PTPRM: variants seen among roughly 807,000 people sequenced by gnomAD.
The protein encoded by PTPRM is receptor-type tyrosine-protein phosphatase mu.
PTPRM carries 47 observed loss-of-function variants against 186.7 expected under a neutral mutation model. The ratio of observed to expected loss-of-function variants is 0.25; its 90% CI spans 0.20 to 0.32. PTPRM has a LOEUF of 0.32. Ranked by LOEUF, PTPRM falls within the 10% of genes least tolerant of loss-of-function variation. The pLI, the probability that PTPRM is intolerant of heterozygous loss-of-function variation, is 1.00. For synonymous variants in PTPRM, 668 were observed against 674.9 expected (o/e 0.99, Z 0.16); for missense variants, 1,494 against 1,865.0 (o/e 0.80, Z 3.66).
At chr18:7,838,963 AG>A (rs2046194307) in intron 2 of PTPRM, among the ~76,000 whole-genome samples, 1 of 152,202 alleles carries the variant, frequency 6.6e-6, no homozygotes, top group South Asian at 2.1e-4. Context: ...ATGGGCCCAC[AG>A]GGAGTACTGC....
intron 1 of PTPRM, among the ~76,000 whole-genome samples, chr18:7,633,887 G>A (rs866562606): frequency 1.6e-4 from 24 of 151,966 alleles, no homozygotes; most frequent in African/African-American, 5.8e-4. Context: ...CTTTGCTGGC[G>A]TGATTCTTCC....
intron 2 of PTPRM, among the ~76,000 whole-genome samples, chr18:7,847,215 G>A (rs2046640052): frequency 6.7e-6 from 1 of 148,450 alleles, no homozygotes; most frequent in Non-Finnish European, 1.5e-5. Flanking sequence ...CACCCAGCCT[G>A]GAGTGCTGTG....
At chr18:8,390,803 C>T (rs902084436) in intron 31 of PTPRM, among the ~76,000 whole-genome samples, 5 of 152,054 alleles carry the variant, frequency 3.3e-5, no homozygotes, top group African/African-American at 7.2e-5. Flanking sequence ...TGGCAGGTGC[C>T]TGTAGTCCCA....
In PTPRM at chr18:7,845,168, G is replaced by A. The variant is rs865785904; in HGVS notation, c.197-42938G>A. Among the ~76,000 whole-genome samples the A allele has an allele frequency of 9.2e-5, 14 of 152,238 alleles. No homozygotes were observed. The Middle Eastern group carries it at 0.014, about 148-fold the overall frequency. ...AGTGTACCCTCAGCTTTTAAGAGTTGTTTTCTGGGAGGAATTCATGATCTA... is the reference window on the plus strand; with the variant it reads ...AGTGTACCCTCAGCTTTTAAGAGTTATTTTCTGGGAGGAATTCATGATCTA... On this transcript the variant is annotated intron_variant, in intron 2 of 32. Transcript: ENST00000580170.
At position 8,305,894 on chromosome 18, in the gene PTPRM, G is replaced by A. The variant is rs546987737; in HGVS notation, c.2843-8887G>A. Reference sequence around the variant, plus strand: ...AGATGTTGCTTTTATTCACAGAAAAGGGGTAATTTTTTTTTTTTTTTGGAT... The same window carrying A: ...AGATGTTGCTTTTATTCACAGAAAAAGGGTAATTTTTTTTTTTTTTTGGAT... On this transcript the variant is annotated intron_variant, in intron 20 of 32. Coordinates refer to ENST00000580170, the MANE Select transcript of PTPRM (RefSeq NM_001105244.2). 3.3e-3 allele frequency among the ~76,000 whole-genome samples: 483 copies of A among 147,188 alleles called. 4 individuals are homozygous for A. Among genetic ancestry groups the A allele is most frequent in the Admixed American group, 4.5e-3 (63 of 14,042 alleles).
intron 32 of PTPRM, among the ~76,000 whole-genome samples, chr18:8,400,013 G>A (rs2095863839): frequency 6.6e-6 from 1 of 152,178 alleles, no homozygotes; most frequent in South Asian, 2.1e-4. Flanking sequence ...CAGGATAAAG[G>A]GTGGTAAAGC....
At chr18:7,814,731 AT>A (rs930186320) in intron 2 of PTPRM, 4 of 152,050 alleles carry the variant, frequency 2.6e-5, no homozygotes, top group Admixed American at 6.5e-5. Flanking sequence ...CAGTTCCTGG[AT>A]TTTCCTCCTC....
chr18:8,319,499 A>G (rs911864667), intron 22 of PTPRM, among the ~76,000 whole-genome samples: 10 of 152,360 alleles, frequency 6.6e-5, no homozygotes, highest in Admixed American at 5.2e-4. Flanking sequence ...ATGTATAGAT[A>G]GCCATTCCAT....
chr18:7,805,978 C>T (rs977069856), intron 2 of PTPRM, among the ~76,000 whole-genome samples: 3 of 152,140 alleles, frequency 2.0e-5, no homozygotes, highest in Non-Finnish European at 2.9e-5. Flanking sequence ...AGGGAGGCCA[C>T]AGCATTGAAT....
At chr18:8,174,137 A>G (rs994515589) in intron 14 of PTPRM, among the ~76,000 whole-genome samples, 2 of 152,198 alleles carry the variant, frequency 1.3e-5, no homozygotes, top group Admixed American at 6.5e-5. Context: ...GGAAGTTGCA[A>G]ATCTTGTCAC....
intron 1 of PTPRM, among the ~76,000 whole-genome samples, chr18:7,682,468 T>C (rs2039501634): frequency 6.6e-6 from 1 of 152,236 alleles, no homozygotes; most frequent in African/African-American, 2.4e-5. Context: ...TCATTTCTGC[T>C]CCCTGACTTT....
Position 8,187,958 on chromosome 18 carries a change from G to A in PTPRM, c.2300+44179G>A, listed in dbSNP as rs73391916. Among the ~76,000 whole-genome samples, 1,359 of 152,210 alleles carry A rather than the reference G, an allele frequency of 8.9e-3. 22 individuals are homozygous for A. Among genetic ancestry groups the A allele is most frequent in the African/African-American group, 0.031 (1,286 of 41,522 alleles). On this transcript the variant is annotated intron_variant, in intron 14 of 32. Coordinates refer to ENST00000580170, the MANE Select transcript of PTPRM (RefSeq NM_001105244.2). ...ACTGCAAATGCTTATATTAAACATC[G>A]TATTTTTTTCTGTTTCTTTCCAGTC... is the stretch of plus-strand genomic sequence containing the variant.
intron 7 of PTPRM, among the ~76,000 whole-genome samples, chr18:8,028,462 A>G (rs889924894): frequency 2.0e-5 from 3 of 152,212 alleles, no homozygotes; most frequent in African/African-American, 7.2e-5. Context: ...AAATAAATGT[A>G]GATATAATAT....
intron 11 of PTPRM, among the ~76,000 whole-genome samples, chr18:8,112,678 A>G (rs77375800): frequency 0.016 from 2,408 of 152,284 alleles, 34 homozygotes; most frequent in Non-Finnish European, 0.024. Flanking sequence ...ATTTTCTAAA[A>G]ATCTATCAGT....
intron 3 of PTPRM, among the ~76,000 whole-genome samples, chr18:7,904,537 G>A (rs2049876355): frequency 1.3e-5 from 2 of 152,156 alleles, no homozygotes; most frequent in Non-Finnish European, 2.9e-5. Context: ...TCGGGGAGTG[G>A]TGTTTTTCAC....
intron 21 of PTPRM, among the ~76,000 whole-genome samples, chr18:8,317,265 T>C (rs1476818420): frequency 1.3e-5 from 2 of 152,026 alleles, no homozygotes; most frequent in African/African-American, 4.8e-5. Flanking sequence ...CAGTAGGATT[T>C]GCTGGCAGAT....
At chr18:7,779,696 C>G (rs908229870) in intron 2 of PTPRM, among the ~76,000 whole-genome samples, 1 of 152,124 alleles carries the variant, frequency 6.6e-6, no homozygotes, top group East Asian at 1.9e-4. Flanking sequence ...GAAGACTTTT[C>G]CCCTCTAAAA....
intron 23 of PTPRM, among the ~76,000 whole-genome samples, chr18:8,365,561 A>G (rs1370633328): frequency 6.6e-6 from 1 of 152,180 alleles, no homozygotes; most frequent in East Asian, 1.9e-4. Flanking sequence ...CTTCCCCAAA[A>G]CCACCTATTG....
At chr18:7,964,485 C>T (rs1315637146) in intron 7 of PTPRM, among the ~76,000 whole-genome samples, 1 of 152,098 alleles carries the variant, frequency 6.6e-6, no homozygotes, top group Non-Finnish European at 1.5e-5. Flanking sequence ...TAAACAGTAC[C>T]AGCATTGTCT....
Sources: gnomAD v4.1 joint callset for allele counts (sites outside exome capture counted in the v4.1 genomes callset) on GRCh38, gnomAD v4.1.1 for gene constraint, MANE v1.5 for transcripts, NCBI Gene and HGNC (gene_info 2026-07-23, HGNC 2026-07-21) for gene names.